The following MLLT1 variants were observed in gnomAD, a reference collection of about 807,000 sequenced individuals.
The protein encoded by MLLT1 is protein ENL.
In MLLT1, 11 loss-of-function variants were observed where a neutral mutation model predicts 55.1. The ratio of observed to expected loss-of-function variants is 0.20; its 90% CI spans 0.13 to 0.33. The LOEUF is 0.33. MLLT1 is among the 10% of genes least tolerant of loss of function. The probability of loss-of-function intolerance (pLI) is 1.00; values close to 1 mark genes in which losing one functional copy is unlikely to be tolerated. For missense variants in MLLT1, 536 were observed against 760.6 expected (o/e 0.70, Z 3.47); for synonymous variants, 323 against 320.1 (o/e 1.01, Z -0.10).
chr19:6,269,858 G>T (rs754906115), intron 2 of MLLT1, among the ~76,000 whole-genome samples: 3 of 152,138 alleles, frequency 2.0e-5, no homozygotes, highest in African/African-American at 7.2e-5. Context: ...GTGATGTGCC[G>T]GGCTCCGGGC....
chr19:6,263,836 G>A (rs1236821468), intron 2 of MLLT1, among the ~76,000 whole-genome samples: 2 of 152,136 alleles, frequency 1.3e-5, no homozygotes, highest in Non-Finnish European at 2.9e-5. Flanking sequence ...GGGCGCCGCA[G>A]GGCAGGGACA....
At chr19:6,213,204 G>T (rs913868188) in intron 11 of MLLT1, 34 bp from the exon 12 acceptor site, 1 of 1,613,632 alleles carries the variant, frequency 6.2e-7, no homozygotes, top group African/African-American at 1.3e-5. Context: ...TCAGGGGCAG[G>T]GGGCCAAGGG....
chr19:6,262,380 A>G lies in MLLT1; in HGVS notation c.194-70T>C. 1.5e-6 allele frequency: 2 copies of G among 1,360,916 alleles called. No homozygotes were observed. Among genetic ancestry groups the G allele is most frequent in the Non-Finnish European group, 2.1e-6 (2 of 962,912 alleles). 84.3% of individuals were successfully genotyped at this position (1,360,916 alleles called of 1,614,324 possible). On this transcript the variant is annotated intron_variant, in intron 2 of 11. Transcript: ENST00000252674. This position sits in a 1 kb window ranked among gnomAD's most constrained non-coding sequence, Gnocchi z 4.4. Reference sequence around the variant, plus strand: ...TTCAGGCCCAGCTGCCAGCGGCAGTACCGCACCCCTCAACCCCACCACCTC... The same window carrying G: ...TTCAGGCCCAGCTGCCAGCGGCAGTGCCGCACCCCTCAACCCCACCACCTC...
chr19:6,242,481 C>T (rs1430339080), intron 3 of MLLT1, among the ~76,000 whole-genome samples: 1 of 152,184 alleles, frequency 6.6e-6, no homozygotes, highest in African/African-American at 2.4e-5. Context: ...GCTCCCTGTC[C>T]AATGACAGCT....
chr19:6,265,057 CA>C (rs1206210263), intron 2 of MLLT1, among the ~76,000 whole-genome samples: 36 of 32,620 alleles, frequency 1.1e-3, no homozygotes, highest in African/African-American at 2.7e-3. Flanking sequence ...AACAAAAAAA[CA>C]AAAAAACAAA....
In MLLT1 at chr19:6,229,971, G is replaced by A. The variant is rs968722891; in HGVS notation, c.420+599C>T. Reference sequence around the variant, plus strand: ...GCCCTGAAGGTGGCATTGCTGTTCTGTGACCAGGCCTCAGCCTGCACGTCC... The same window carrying A: ...GCCCTGAAGGTGGCATTGCTGTTCTATGACCAGGCCTCAGCCTGCACGTCC... On this transcript the variant is annotated intron_variant, in intron 4 of 11. Transcript: ENST00000252674. This position sits in a 1 kb window ranked among gnomAD's most constrained non-coding sequence, Gnocchi z 5.2. 6.6e-6 allele frequency among the ~76,000 whole-genome samples: 1 copy of A among 152,132 alleles called. No homozygotes were observed. Among genetic ancestry groups the A allele is most frequent in the African/African-American group, 2.4e-5 (1 of 41,424 alleles).
chr19:6,277,100 G>T (rs764124461), intron 1 of MLLT1, among the ~76,000 whole-genome samples: 3 of 152,220 alleles, frequency 2.0e-5, no homozygotes, highest in Non-Finnish European at 2.9e-5. Flanking sequence ...TCGATTCAAA[G>T]CATTTTCCCT....
chr19:6,255,675 T>C (rs2091251501), intron 3 of MLLT1, among the ~76,000 whole-genome samples: 3 of 152,176 alleles, frequency 2.0e-5, no homozygotes, highest in South Asian at 2.1e-4. Context: ...CTAGATACAA[T>C]AGAATCCCTA....
rs746497232 is a variant in MLLT1, at chr19:6,262,249, G to A, written c.255C>T (p.Ile85=). 2.9e-5 allele frequency: 47 copies of A among 1,613,746 alleles called. No homozygotes were observed. Among genetic ancestry groups the A allele is most frequent in the Middle Eastern group, 1.6e-4 (1 of 6,082 alleles). Residue 85 remains isoleucine, a synonymous_variant, in exon 3 of 12, where the codon ATC becomes ATT. Transcript: ENST00000252674. This position sits in a 1 kb window ranked among gnomAD's most constrained non-coding sequence, Gnocchi z 4.4. ...ESGYAGFIMP[I]EVHFKNKEEP... ...CTACCTTGTTTTTGAAGTGCACCTC[G>A]ATGGGCATGATGAAGCCAGCGTACC...
In MLLT1 at chr19:6,213,363, G is replaced by A. The variant is rs770146872; in HGVS notation, c.1525C>T (p.Leu509=). The change falls in exon 11 of 12, where the codon CTG becomes TTG. Residue 509 remains leucine, a synonymous_variant. Transcript: ENST00000252674. The part of the protein sequence containing the change: ...LVELHRRLMA[L]RERNVLQQIV... ...TGCTGCAGCACGTTGCGCTCCCGCAGCGCCATCAGCCTCCGGTGTAGCTCC... is the reference window on the plus strand; with the variant it reads ...TGCTGCAGCACGTTGCGCTCCCGCAACGCCATCAGCCTCCGGTGTAGCTCC... 5.6e-6 allele frequency: 9 copies of A among 1,612,086 alleles called. No homozygotes were observed. The highest frequency in any genetic ancestry group is 2.2e-5 in the East Asian group (1 of 44,870).
At chr19:6,225,850 G>A (rs997956425) in intron 5 of MLLT1, among the ~76,000 whole-genome samples, 1 of 152,356 alleles carries the variant, frequency 6.6e-6, no homozygotes, top group Middle Eastern at 3.4e-3. Flanking sequence ...CCGTACAGAA[G>A]AAATCTTGTT....
chr19:6,240,728 CAGG>C lies in MLLT1; in HGVS notation c.277-10018_277-10016del, dbSNP rs899598020. On this transcript the variant is annotated intron_variant, in intron 3 of 11. Transcript: ENST00000252674. The surrounding 1 kb of genome is among the most constrained non-coding windows in gnomAD (Gnocchi z 4.7). ...CTCAGCTACGAACCTCCCGAGACAG[CAGG>C]AGAATTCAGGGGCAGAGGGAAGGAA... 2.6e-5 allele frequency among the ~76,000 whole-genome samples: 4 copies of C among 152,114 alleles called. No homozygotes were observed. The highest frequency in any genetic ancestry group is 4.4e-5 in the Non-Finnish European group (3 of 68,020).
intron 1 of MLLT1, among the ~76,000 whole-genome samples, chr19:6,278,050 C>A (rs1036489643): frequency 3.3e-5 from 5 of 152,148 alleles, no homozygotes; most frequent in Admixed American, 6.6e-5. Context: ...GCCACAGGCG[C>A]CGAGATGGGC....
At position 6,275,491 on chromosome 19, in the gene MLLT1, C is replaced by A. The variant is rs181958099; in HGVS notation, c.12+4282G>T. Among the ~76,000 whole-genome samples, 15 of 152,282 alleles carry A rather than the reference C, an allele frequency of 9.9e-5. No individual in the cohort carries two copies. The South Asian group carries it at 3.1e-3, about 32-fold the overall frequency. ...GGAATCTTCTCCCGCCAAGCCCAGT[C>A]GGGGCCCTCAGTGGTAACCACTGAA... On this transcript the variant is annotated intron_variant, in intron 1 of 11. Coordinates refer to ENST00000252674, the MANE Select transcript of MLLT1 (RefSeq NM_005934.4).
At position 6,218,007 on chromosome 19, in the gene MLLT1, C is replaced by A; in HGVS notation, c.1145G>T (p.Ser382Ile). The change falls in exon 7 of 12, where the codon AGC (serine) becomes ATC (isoleucine). Residue 382 changes from serine (S) to isoleucine (I), a missense_variant. Ser to Ile is a moderately radical substitution (Grantham distance 142). Coordinates refer to ENST00000252674, the MANE Select transcript of MLLT1 (RefSeq NM_005934.4). ...GTCTGAGTCTGAGCTGGAGTCTGAG[C>A]TGGAGCTGGAGTTGGACGGGCTTGA... ...AQSSPSNSSS[S>I]SDSSSDSDFE... 1.9e-6 allele frequency: 3 copies of A among 1,609,110 alleles called. No homozygotes were observed. The highest frequency in any genetic ancestry group is 2.5e-6 in the Non-Finnish European group (3 of 1,177,664).
intron 2 of MLLT1, among the ~76,000 whole-genome samples, chr19:6,266,455 T>G (rs574089773): frequency 1.7e-4 from 26 of 152,164 alleles, no homozygotes; most frequent in African/African-American, 2.2e-4. Context: ...TATAAATTTT[T>G]TTTGTTTGTT....
intron 3 of MLLT1, among the ~76,000 whole-genome samples, chr19:6,232,098 T>C (rs1234883532): frequency 6.6e-6 from 1 of 152,094 alleles, no homozygotes; most frequent in Non-Finnish European, 1.5e-5. Flanking sequence ...TAGCCGAGCA[T>C]GGTGGTAGGA....
In MLLT1 at chr19:6,229,005, C is replaced by A. The variant is rs919072159; in HGVS notation, c.420+1565G>T. On this transcript the variant is annotated intron_variant, in intron 4 of 11. Coordinates refer to ENST00000252674, the MANE Select transcript of MLLT1 (RefSeq NM_005934.4). This position sits in a 1 kb window ranked among gnomAD's most constrained non-coding sequence, Gnocchi z 5.2. ...CTGGCTTTTATGTGTTGAGACGATG[C>A]CCTCAGAGCCTTCATCGCTGTGGAG... Among the ~76,000 whole-genome samples the A allele has an allele frequency of 2.0e-5, 3 of 152,180 alleles. No homozygotes were observed. The highest frequency in any genetic ancestry group is 7.2e-5 in the African/African-American group (3 of 41,454).
chr19:6,262,450 G>A lies in MLLT1; in HGVS notation c.194-140C>T, dbSNP rs2091313659. Reference sequence around the variant, plus strand: ...CCTCTCGGGGGTGGCTTTTCAGGAGGTTAAGCCCCCGACAGGATTGACTTC... The same window carrying A: ...CCTCTCGGGGGTGGCTTTTCAGGAGATTAAGCCCCCGACAGGATTGACTTC... On this transcript the variant is annotated intron_variant, in intron 2 of 11. Transcript: ENST00000252674. The surrounding 1 kb of genome is among the most constrained non-coding windows in gnomAD (Gnocchi z 4.4). 1 of 625,676 alleles carries A rather than the reference G, an allele frequency of 1.6e-6. No homozygotes were observed. Among genetic ancestry groups the A allele is most frequent in the Non-Finnish European group, 2.8e-6 (1 of 355,478 alleles). The allele number at this position is 625,676 out of a possible 1,614,324, so 38.8% of individuals were successfully genotyped here.
Sources: allele counts gnomAD v4.1 joint callset (sites outside exome capture counted in the v4.1 genomes callset), GRCh38; gene constraint gnomAD v4.1.1; non-coding constraint Gnocchi (gnomAD v3.1); transcripts MANE v1.5; gene names NCBI Gene and HGNC (gene_info 2026-07-23, HGNC 2026-07-21).